CUX2: variants seen among roughly 807,000 people sequenced by gnomAD.
CUX2 encodes the protein homeobox protein cut-like 2.
Under a neutral mutation model 144.8 loss-of-function variants are expected in CUX2, and 40 were observed. That is an observed-to-expected ratio of 0.28 (90% CI 0.21 to 0.36). The LOEUF is 0.36. CUX2 is among the 10% of genes least tolerant of loss of function. The pLI is 1.00. For missense variants in CUX2, 1,615 were observed against 1,994.0 expected (o/e 0.81, Z 3.62); for synonymous variants, 827 against 875.6 (o/e 0.94, Z 0.98).
At chr12:111,314,030 C>G (rs1432042901) in intron 16 of CUX2, among the ~76,000 whole-genome samples, 1 of 151,906 alleles carries the variant, frequency 6.6e-6, no homozygotes, top group Non-Finnish European at 1.5e-5. Flanking sequence ...CAATGGCCCT[C>G]CCTCCTGCCT....
chr12:111,327,182 C>T (rs994166779), intron 18 of CUX2, among the ~76,000 whole-genome samples: 3 of 152,148 alleles, frequency 2.0e-5, no homozygotes, highest in African/African-American at 4.8e-5. Flanking sequence ...TACTACTTGG[C>T]CTTCTGTGGC....
At chr12:111,087,430 C>T (rs893495008) in intron 1 of CUX2, among the ~76,000 whole-genome samples, 2 of 148,164 alleles carry the variant, frequency 1.3e-5, no homozygotes, top group African/African-American at 5.0e-5. Context: ...AAGAAGAAGT[C>T]ACCAGAGTTT....
In CUX2 at chr12:111,187,081, A is replaced by G. The variant is rs139330710; in HGVS notation, c.64-27119A>G. Among the ~76,000 whole-genome samples, 671 of 152,300 alleles carry G rather than the reference A, an allele frequency of 4.4e-3. 2 individuals carry two copies. The highest frequency in any genetic ancestry group is 7.8e-3 in the Non-Finnish European group (532 of 68,016). ...GGCATGAGCCACTGTGCCTGGCAGC[A>G]TGATGTATATTTTTACGCTCTAAGT... On this transcript the variant is annotated intron_variant, in intron 1 of 21. Coordinates refer to ENST00000261726, the MANE Select transcript of CUX2 (RefSeq NM_015267.4).
intron 9 of CUX2, among the ~76,000 whole-genome samples, chr12:111,300,267 C>G (rs146162497): frequency 7.9e-4 from 120 of 152,180 alleles, no homozygotes; most frequent in African/African-American, 2.8e-3. Flanking sequence ...ACTACAGGCA[C>G]GCACCACCAC....
intron 3 of CUX2, among the ~76,000 whole-genome samples, chr12:111,247,259 G>A (rs1883322685): frequency 6.6e-6 from 1 of 152,340 alleles, no homozygotes; most frequent in African/African-American, 2.4e-5. Context: ...GGATCAGACA[G>A]TGGAGGGCAT....
At chr12:111,242,798 C>T (rs1883094705) in intron 3 of CUX2, among the ~76,000 whole-genome samples, 1 of 152,126 alleles carries the variant, frequency 6.6e-6, no homozygotes, top group Non-Finnish European at 1.5e-5. Context: ...GGGGCAGCTG[C>T]ATCCATCAAC....
chr12:111,238,308 C>T (rs1486370527), intron 3 of CUX2, among the ~76,000 whole-genome samples: 3 of 152,232 alleles, frequency 2.0e-5, no homozygotes, highest in Non-Finnish European at 2.9e-5. Flanking sequence ...GGGTCCCTCA[C>T]GGTGCCTGAC....
intron 1 of CUX2, among the ~76,000 whole-genome samples, chr12:111,105,537 C>G (rs1370292886): frequency 6.6e-6 from 1 of 151,894 alleles, no homozygotes; most frequent in Non-Finnish European, 1.5e-5. Flanking sequence ...GTGAGCTCTC[C>G]CTGCCTCTCC....
chr12:111,064,160 C>T (rs1870924772), intron 1 of CUX2, among the ~76,000 whole-genome samples: 1 of 152,112 alleles, frequency 6.6e-6, no homozygotes, highest in Non-Finnish European at 1.5e-5. Flanking sequence ...CCTGGGCCTT[C>T]CAAGCTTGTA....
chr12:111,188,382 G>T (rs1047334043), intron 1 of CUX2, among the ~76,000 whole-genome samples: 3 of 152,198 alleles, frequency 2.0e-5, no homozygotes, highest in African/African-American at 7.2e-5. Context: ...ATCAGCATTG[G>T]GCAGGAGAGA....
At chr12:111,298,450 T>C in intron 8 of CUX2, 91 bp from the exon 9 acceptor site, 1 of 1,384,296 alleles carries the variant, frequency 7.2e-7, no homozygotes, top group Non-Finnish European at 9.9e-7. Flanking sequence ...AGCCCTCCCC[T>C]GGGCTCAGGC....
chr12:111,087,364 C>T lies in CUX2; in HGVS notation c.63+53124C>T, dbSNP rs188585000. ...GTCTGGGCACAGAGTGGGACTCCAT[C>T]TCAAAAAAAAAAAAAAAAAAAAAAA... On this transcript the variant is annotated intron_variant, in intron 1 of 21. Coordinates refer to ENST00000261726, the MANE Select transcript of CUX2 (RefSeq NM_015267.4). Among the ~76,000 whole-genome samples, 7 of 49,516 alleles carry T rather than the reference C, an allele frequency of 1.4e-4. No homozygotes were observed. In the Admixed American group the frequency reaches 1.5e-3, roughly 11 times the overall value. The allele number at this position is 49,516 out of a possible 152,430, so 32.5% of individuals were successfully genotyped here.
chr12:111,121,112 A>C (rs541458273), intron 1 of CUX2, among the ~76,000 whole-genome samples: 153 of 150,574 alleles, frequency 1.0e-3, no homozygotes, highest in African/African-American at 3.7e-3. Flanking sequence ...AAAAAAAAAA[A>C]AAAAAAACAA....
At position 111,190,762 on chromosome 12, in the gene CUX2, T is replaced by C. The variant is rs1029186795; in HGVS notation, c.64-23438T>C. Among the ~76,000 whole-genome samples the C allele has an allele frequency of 6.6e-6, 1 of 152,190 alleles. No individual in the cohort carries two copies. The highest frequency in any genetic ancestry group is 2.4e-5 in the African/African-American group (1 of 41,450). On this transcript the variant is annotated intron_variant, in intron 1 of 21. Coordinates refer to ENST00000261726, the MANE Select transcript of CUX2 (RefSeq NM_015267.4). This position sits in a 1 kb window ranked among gnomAD's most constrained non-coding sequence, Gnocchi z 4.0. Reference sequence around the variant, plus strand: ...AGCTTGTGCAAGATTGATTTCATTCTTGATCAGTGAAGATCTCTCACTGTT... The same window carrying C: ...AGCTTGTGCAAGATTGATTTCATTCCTGATCAGTGAAGATCTCTCACTGTT...
chr12:111,298,385 C>T (rs1038341798), intron 8 of CUX2, among the ~76,000 whole-genome samples, 156 bp from the exon 9 acceptor site: 6 of 152,112 alleles, frequency 3.9e-5, no homozygotes, highest in African/African-American at 1.4e-4. Context: ...CCCTTTTCCT[C>T]GAAGCCTAGG....
intron 1 of CUX2, among the ~76,000 whole-genome samples, chr12:111,121,189 G>A (rs972028043): frequency 6.7e-6 from 1 of 150,304 alleles, no homozygotes; most frequent in African/African-American, 2.4e-5. Flanking sequence ...GATTTAATGT[G>A]CATTAATAAT....
In CUX2 at chr12:111,263,585, A is replaced by G. The variant is rs142048721; in HGVS notation, c.223-176A>G. 1.1e-3 allele frequency among the ~76,000 whole-genome samples: 163 copies of G among 152,214 alleles called. 1 individual carries two copies. Among genetic ancestry groups the G allele is most frequent in the African/African-American group, 3.8e-3 (156 of 41,520 alleles). On this transcript the variant is annotated intron_variant, in intron 3 of 21. Coordinates refer to ENST00000261726, the MANE Select transcript of CUX2 (RefSeq NM_015267.4). The surrounding 1 kb of genome is among the most constrained non-coding windows in gnomAD (Gnocchi z 4.0). ...GGTTACAGTGAGCTGAGATCATTCT[A>G]TGGCACTCCAGCCTGGGCGACAGAG...
intron 4 of CUX2, among the ~76,000 whole-genome samples, chr12:111,267,217 A>G (rs1485692223): frequency 3.5e-5 from 5 of 143,340 alleles, no homozygotes; most frequent in Non-Finnish European, 7.5e-5. Context: ...AAAAAAAAAA[A>G]GAAAGAAAGG....
At chr12:111,128,994 A>G (rs879378741) in intron 1 of CUX2, among the ~76,000 whole-genome samples, 1 of 152,202 alleles carries the variant, frequency 6.6e-6, no homozygotes, top group Non-Finnish European at 1.5e-5. Flanking sequence ...CAAATGAGAA[A>G]TATGTTGGCT....
Sources: gnomAD v4.1 joint callset for allele counts (sites outside exome capture counted in the v4.1 genomes callset) on GRCh38, gnomAD v4.1.1 for gene constraint, Gnocchi (gnomAD v3.1) non-coding constraint, MANE v1.5 for transcripts, NCBI Gene and HGNC (gene_info 2026-07-23, HGNC 2026-07-21) for gene names.